CSMD1: variants seen among roughly 807,000 people sequenced by gnomAD.
The protein encoded by CSMD1 is CUB and Sushi multiple domains 1.
Under a neutral mutation model 417.5 loss-of-function variants are expected in CSMD1, and 213 were observed. That is an observed-to-expected ratio of 0.51 (90% CI 0.46 to 0.57). The LOEUF (loss-of-function observed/expected upper bound fraction) is 0.57. Ranked by LOEUF, CSMD1 falls within the 20% of genes least tolerant of loss-of-function variation. CSMD1 has a pLI of 0.00. For missense variants in CSMD1, 6,923 were observed against 4,529.7 expected (o/e 1.53, Z -15.17); for synonymous variants, 2,862 against 1,736.8 (o/e 1.65, Z -16.11).
intron 7 of CSMD1, among the ~76,000 whole-genome samples, chr8:3,647,434 A>C (rs1264694339): frequency 6.6e-6 from 1 of 152,236 alleles, no homozygotes; most frequent in Non-Finnish European, 1.5e-5. Context: ...ATAAAGAGAA[A>C]TACAGTACAT....
chr8:3,574,813 T>A lies in CSMD1; in HGVS notation c.1344+132A>T, dbSNP rs1056716606. ...ATGAATGTGGCATCTAGACACAGGATGCAGCTGGAACTTTTAAATTCAAAC... is the reference window on the plus strand; with the variant it reads ...ATGAATGTGGCATCTAGACACAGGAAGCAGCTGGAACTTTTAAATTCAAAC... On this transcript the variant is annotated intron_variant, in intron 10 of 69. Transcript: ENST00000635120. 8.9e-6 allele frequency: 9 copies of A among 1,016,560 alleles called. No individual in the cohort carries two copies. The African/African-American group carries it at 1.5e-4, about 17-fold the overall frequency. The allele number at this position is 1,016,560 out of a possible 1,614,324, so 63.0% of individuals were successfully genotyped here. A position where few individuals can be genotyped will look rare whatever the true frequency, so the allele number is the denominator to read the frequency against.
intron 3 of CSMD1, among the ~76,000 whole-genome samples, chr8:4,294,089 C>G (rs1797532533): frequency 1.3e-5 from 2 of 152,146 alleles, no homozygotes; most frequent in South Asian, 4.1e-4. Flanking sequence ...AGTTGAAGTT[C>G]TATATTCCTG....
intron 3 of CSMD1, among the ~76,000 whole-genome samples, chr8:4,297,866 C>A (rs918207418): frequency 6.6e-6 from 1 of 152,030 alleles, no homozygotes; most frequent in Non-Finnish European, 1.5e-5. Flanking sequence ...TGGTCCTGCA[C>A]TTTAAAACAA....
At chr8:4,169,730 T>A (rs900987209) in intron 3 of CSMD1, among the ~76,000 whole-genome samples, 1 of 152,100 alleles carries the variant, frequency 6.6e-6, no homozygotes, top group Non-Finnish European at 1.5e-5. Flanking sequence ...CATTCTCACT[T>A]GTGGAGGTTC....
chr8:3,177,039 A>T (rs1242666374), intron 37 of CSMD1, among the ~76,000 whole-genome samples: 1 of 151,918 alleles, frequency 6.6e-6, no homozygotes, highest in East Asian at 1.9e-4. Flanking sequence ...CAGCCTCCCA[A>T]AGTGCTTGGA....
At chr8:4,118,514 G>A (rs1252708914) in intron 3 of CSMD1, among the ~76,000 whole-genome samples, 3 of 151,712 alleles carry the variant, frequency 2.0e-5, no homozygotes, top group Admixed American at 6.6e-5. Flanking sequence ...CTGGTCACTA[G>A]AGAAATGCAA....
chr8:4,842,658 G>C (rs533639922), intron 1 of CSMD1, among the ~76,000 whole-genome samples: 1 of 152,202 alleles, frequency 6.6e-6, no homozygotes, highest in Non-Finnish European at 1.5e-5. Context: ...CTGTTGGACA[G>C]TAGCCTCTAG....
intron 2 of CSMD1, among the ~76,000 whole-genome samples, chr8:4,481,371 T>C (rs1212358255): frequency 6.6e-6 from 1 of 152,214 alleles, no homozygotes; most frequent in African/African-American, 2.4e-5. Context: ...TTTCAATAAA[T>C]ATAAAATGAG....
At chr8:4,765,613 A>G (rs1334610775) in intron 1 of CSMD1, among the ~76,000 whole-genome samples, 1 of 152,206 alleles carries the variant, frequency 6.6e-6, no homozygotes, top group African/African-American at 2.4e-5. Flanking sequence ...GCTGAGAAAA[A>G]ATTGGATGCA....
chr8:3,739,127 C>A (rs1260705168), intron 6 of CSMD1, among the ~76,000 whole-genome samples: 1 of 150,746 alleles, frequency 6.6e-6, no homozygotes, highest in East Asian at 2.0e-4. Context: ...TTATTTAGAT[C>A]AGAGTTAATT....
At chr8:4,529,072 G>C (rs900046290) in intron 2 of CSMD1, among the ~76,000 whole-genome samples, 1 of 152,114 alleles carries the variant, frequency 6.6e-6, no homozygotes, top group Non-Finnish European at 1.5e-5. Context: ...CTGAAAAGTT[G>C]ATCAGAGGAT....
intron 3 of CSMD1, among the ~76,000 whole-genome samples, chr8:4,168,783 T>TCTC (rs548178710): frequency 1.1e-3 from 162 of 152,132 alleles, no homozygotes; most frequent in Non-Finnish European, 2.0e-3. Context: ...ACAATAAAAC[T>TCTC]CTCCTCTTCC....
chr8:4,375,745 C>G (rs186429871), intron 3 of CSMD1, among the ~76,000 whole-genome samples: 1 of 152,134 alleles, frequency 6.6e-6, no homozygotes, highest in African/African-American at 2.4e-5. Flanking sequence ...ACTGCCTGCA[C>G]CATGCCCTGC....
intron 3 of CSMD1, among the ~76,000 whole-genome samples, chr8:4,118,638 T>C (rs941592205): frequency 2.0e-5 from 3 of 152,182 alleles, no homozygotes; most frequent in Admixed American, 1.3e-4. Context: ...TTTTACACTG[T>C]TGATGGGTGT....
At chr8:4,125,710 T>G (rs1259779775) in intron 3 of CSMD1, among the ~76,000 whole-genome samples, 1 of 152,168 alleles carries the variant, frequency 6.6e-6, no homozygotes, top group Non-Finnish European at 1.5e-5. Flanking sequence ...TGAACTAAAT[T>G]TGCGAAGGAA....
At chr8:4,987,463 G>C (rs1277390130) in intron 1 of CSMD1, among the ~76,000 whole-genome samples, 2 of 152,126 alleles carry the variant, frequency 1.3e-5, no homozygotes, top group African/African-American at 2.4e-5. Flanking sequence ...ATAATTATCT[G>C]AATAATTCAG....
Position 3,047,137 on chromosome 8 carries a change from G to A in CSMD1, c.7660+5325C>T, listed in dbSNP as rs192351047. 4.7e-5 allele frequency among the ~76,000 whole-genome samples: 7 copies of A among 150,166 alleles called. No homozygotes were observed. In the South Asian group the frequency reaches 6.3e-4, roughly 14 times the overall value. On this transcript the variant is annotated intron_variant, in intron 50 of 69. Coordinates refer to ENST00000635120, the MANE Select transcript of CSMD1 (RefSeq NM_033225.6). ...GCAGGAGAATCACTTGAACCCAGGAGGGGGAGGTTGCAGTGGACCAAGATC... is the reference window on the plus strand; with the variant it reads ...GCAGGAGAATCACTTGAACCCAGGAAGGGGAGGTTGCAGTGGACCAAGATC...
At chr8:3,458,156 C>T (rs1314321295) in intron 12 of CSMD1, among the ~76,000 whole-genome samples, 1 of 152,126 alleles carries the variant, frequency 6.6e-6, no homozygotes, top group African/African-American at 2.4e-5. Flanking sequence ...TTTACTTTGA[C>T]ATGTAATCTG....
At chr8:3,508,462 A>C (rs921042549) in intron 10 of CSMD1, among the ~76,000 whole-genome samples, 2 of 152,032 alleles carry the variant, frequency 1.3e-5, no homozygotes, top group Non-Finnish European at 2.9e-5. Context: ...CATATGTAAC[A>C]AACCTGCATG....
Sources: gnomAD v4.1 joint callset for allele counts (sites outside exome capture counted in the v4.1 genomes callset) on GRCh38, gnomAD v4.1.1 for gene constraint, MANE v1.5 for transcripts, NCBI Gene and HGNC (gene_info 2026-07-23, HGNC 2026-07-21) for gene names.